The following DMRT1 variants were observed in gnomAD, a reference collection of about 807,000 sequenced individuals.
DMRT1 encodes doublesex- and mab-3-related transcription factor 1.
A neutral mutation model predicts 32.3 loss-of-function variants in DMRT1; 7 were observed. That is an observed-to-expected ratio of 0.22 (90% CI 0.12 to 0.41). The LOEUF (loss-of-function observed/expected upper bound fraction) is 0.41. Ranked by LOEUF, DMRT1 falls within the 10% of genes least tolerant of loss-of-function variation. DMRT1 has a pLI of 1.00. For synonymous variants in DMRT1, 278 were observed against 206.1 expected (o/e 1.35, Z -2.99); for missense variants, 625 against 500.5 (o/e 1.25, Z -2.37).
intron 4 of DMRT1, among the ~76,000 whole-genome samples, chr9:918,523 A>G (rs1395364037): frequency 1.3e-5 from 2 of 152,234 alleles, no homozygotes; most frequent in Non-Finnish European, 2.9e-5. Context: ...GTTACAGTCC[A>G]GGAAAGAAAA....
At chr9:847,356 G>A (rs113055099) in intron 2 of DMRT1, among the ~76,000 whole-genome samples, 105 of 152,318 alleles carry the variant, frequency 6.9e-4, no homozygotes, top group African/African-American at 2.4e-3. Flanking sequence ...TTTCCTGTTG[G>A]TTATTAGTCA....
intron 2 of DMRT1, among the ~76,000 whole-genome samples, chr9:883,099 T>G (rs1466601964): frequency 6.6e-6 from 1 of 151,826 alleles, no homozygotes; most frequent in Non-Finnish European, 1.5e-5. Flanking sequence ...CTTTCACTCT[T>G]TCCAGATTCC....
At chr9:946,049 G>A (rs1158355850) in intron 4 of DMRT1, among the ~76,000 whole-genome samples, 2 of 151,640 alleles carry the variant, frequency 1.3e-5, no homozygotes, top group Non-Finnish European at 2.9e-5. Flanking sequence ...TTCTTAACTG[G>A]CACCTACTAT....
At chr9:936,210 G>A (rs568650321) in intron 4 of DMRT1, among the ~76,000 whole-genome samples, 67 of 152,190 alleles carry the variant, frequency 4.4e-4, no homozygotes, top group African/African-American at 1.6e-3. Flanking sequence ...TATTTACTTG[G>A]GAGTCAAGAG....
rs767033949 is a variant in DMRT1 at position 953,654 on chromosome 9, G to A, written c.968-14331G>A. On this transcript the variant is annotated intron_variant, in intron 4 of 4. Coordinates refer to ENST00000382276, the MANE Select transcript of DMRT1 (RefSeq NM_021951.3). ...CTTAAGCTGCTTCTTAGTTTTCCTCGCCCCTTCCTTGACGTGGGGCCAGCA... is the reference window on the plus strand; with the variant it reads ...CTTAAGCTGCTTCTTAGTTTTCCTCACCCCTTCCTTGACGTGGGGCCAGCA... Among the ~76,000 whole-genome samples the A allele has an allele frequency of 3.9e-5, 6 of 152,052 alleles. No individual in the cohort carries two copies. The East Asian group carries it at 7.7e-4, about 19-fold the overall frequency.
chr9:844,417 A>T (rs1838813688), intron 1 of DMRT1, among the ~76,000 whole-genome samples: 1 of 140,944 alleles, frequency 7.1e-6, no homozygotes, highest in African/African-American at 3.2e-5. Flanking sequence ...GGTCCTTAGC[A>T]TATGGAGTAG....
chr9:916,551 A>T (rs531874190), intron 3 of DMRT1, among the ~76,000 whole-genome samples: 11 of 152,166 alleles, frequency 7.2e-5, no homozygotes, highest in South Asian at 4.2e-4. Context: ...TTTGATTTTT[A>T]TGTAGAAAAG....
chr9:870,846 G>C (rs1179714009), intron 2 of DMRT1, among the ~76,000 whole-genome samples: 1 of 151,468 alleles, frequency 6.6e-6, no homozygotes, highest in Non-Finnish European at 1.5e-5. Flanking sequence ...CGAGTAGCTG[G>C]AACTACAGGT....
At position 841,782 on chromosome 9, in the gene DMRT1, C is replaced by A; in HGVS notation, c.-57C>A. ...CGCTGTCCGTCGGGTTCATCCCTCG[C>A]AGCAGTCTCCAGGCGAGAGAGGGGG... On this transcript the variant is annotated 5_prime_UTR_variant, in exon 1 of 5. Coordinates refer to ENST00000382276, the MANE Select transcript of DMRT1 (RefSeq NM_021951.3). 1 of 1,562,550 alleles carries A rather than the reference C, an allele frequency of 6.4e-7. No homozygotes were observed. Among genetic ancestry groups the A allele is most frequent in the Non-Finnish European group, 8.7e-7 (1 of 1,154,236 alleles).
At chr9:901,396 G>C (rs1209310739) in intron 3 of DMRT1, among the ~76,000 whole-genome samples, 1 of 151,426 alleles carries the variant, frequency 6.6e-6, no homozygotes, top group African/African-American at 2.4e-5. Flanking sequence ...GCGCGATCTC[G>C]GCTCACTGCA....
chr9:859,141 A>T (rs1396509229), intron 2 of DMRT1, among the ~76,000 whole-genome samples: 1 of 152,122 alleles, frequency 6.6e-6, no homozygotes, highest in African/African-American at 2.4e-5. Flanking sequence ...ATGAGTTACG[A>T]TGATTCCTTT....
chr9:878,200 G>GCCTCCCCCCCC (rs1816584669), intron 2 of DMRT1, among the ~76,000 whole-genome samples: 1 of 94,040 alleles, frequency 1.1e-5, no homozygotes, highest in Non-Finnish European at 2.0e-5. Flanking sequence ...TGCAGCTGCT[G>GCCTCCCCCCCC]CCCCCCCCCC....
At chr9:933,961 T>G (rs1029473340) in intron 4 of DMRT1, among the ~76,000 whole-genome samples, 5 of 152,030 alleles carry the variant, frequency 3.3e-5, no homozygotes, top group African/African-American at 1.2e-4. Context: ...ACTGACAGAC[T>G]TATTGAGTGA....
chr9:955,462 T>C (rs1290848280), intron 4 of DMRT1, among the ~76,000 whole-genome samples: 5 of 152,164 alleles, frequency 3.3e-5, no homozygotes, highest in Admixed American at 3.3e-4. Context: ...CCCAGCACTT[T>C]GGGAGGCTGA....
intron 2 of DMRT1, among the ~76,000 whole-genome samples, chr9:875,000 C>T (rs1172829089): frequency 4.0e-5 from 6 of 151,194 alleles, no homozygotes; most frequent in East Asian, 1.9e-4. Context: ...TTAGTAGAGA[C>T]GGGGTTTCAC....
At chr9:890,085 G>GTT (rs35228255) in intron 2 of DMRT1, among the ~76,000 whole-genome samples, 4,154 of 102,920 alleles carry the variant, frequency 0.04, 350 homozygotes, top group African/African-American at 0.092. Flanking sequence ...CACCAAACGT[G>GTT]TTTTTTTTTT....
At chr9:903,298 G>A (rs766923795) in intron 3 of DMRT1, among the ~76,000 whole-genome samples, 24 of 146,934 alleles carry the variant, frequency 1.6e-4, no homozygotes, top group Non-Finnish European at 2.2e-4. Flanking sequence ...GAAGCATTAA[G>A]CCTGGGTGAA....
intron 2 of DMRT1, among the ~76,000 whole-genome samples, chr9:869,829 T>C (rs997373453): frequency 6.6e-6 from 1 of 152,220 alleles, no homozygotes; most frequent in African/African-American, 2.4e-5. Flanking sequence ...ATTTGGTTTA[T>C]ATTAGCTATT....
At chr9:953,278 A>AG (rs1160436894) in intron 4 of DMRT1, among the ~76,000 whole-genome samples, 2 of 152,102 alleles carry the variant, frequency 1.3e-5, no homozygotes, top group East Asian at 3.9e-4. Context: ...TTTATTATGG[A>AG]GAAAAAAAAA....
Sources: allele counts gnomAD v4.1 joint callset (sites outside exome capture counted in the v4.1 genomes callset), GRCh38; gene constraint gnomAD v4.1.1; transcripts MANE v1.5; gene names NCBI Gene and HGNC (gene_info 2026-07-23, HGNC 2026-07-21).